MAP3K15: variants seen among roughly 807,000 people sequenced by gnomAD.
MAP3K15 encodes mitogen-activated protein kinase kinase kinase 15.
MAP3K15 carries 124 observed loss-of-function variants against 99.5 expected under a neutral mutation model. The ratio of observed to expected loss-of-function variants is 1.25; its 90% confidence interval spans 1.08 to 1.45. The LOEUF (loss-of-function observed/expected upper bound fraction) is 1.45. Among genes scored for constraint, MAP3K15 ranks in the 40% most tolerant of loss-of-function variants. The probability of loss-of-function intolerance (pLI) is 0.00; values close to 1 mark genes in which losing one functional copy is unlikely to be tolerated. For synonymous variants in MAP3K15, 494 were observed against 439.6 expected (o/e 1.12, Z -1.55); for missense variants, 1,242 against 1,079.7 (o/e 1.15, Z -2.11).
At chrX:19,399,176 C>T (rs181330125) in intron 14 of MAP3K15, among the ~76,000 whole-genome samples, 1 of 112,130 alleles carries the variant, frequency 8.9e-6, no homozygotes, top group African/African-American at 3.2e-5. Flanking sequence ...CACTGTGGCT[C>T]ATGCTTGTAA....
At chrX:19,381,416 G>T (rs2063457476) in intron 18 of MAP3K15, among the ~76,000 whole-genome samples, 1 of 112,162 alleles carries the variant, frequency 8.9e-6, no homozygotes. Context: ...CACTGGAGGA[G>T]TCCCACCTGG....
At chrX:19,450,658 C>T (rs987133222) in intron 6 of MAP3K15, among the ~76,000 whole-genome samples, 25 of 108,382 alleles carry the variant, frequency 2.3e-4, no homozygotes, top group African/African-American at 8.2e-4. Flanking sequence ...CTCATGAACC[C>T]TCTTCCTTTA....
chrX:19,417,225 G>A (rs1367954748), intron 9 of MAP3K15, among the ~76,000 whole-genome samples: 3 of 112,540 alleles, frequency 2.7e-5, no homozygotes, highest in African/African-American at 6.5e-5. Flanking sequence ...CGCACCAAGC[G>A]TGAGCTAAAG....
chrX:19,418,671 T>C (rs1035521811), intron 9 of MAP3K15, among the ~76,000 whole-genome samples: 36 of 110,511 alleles, frequency 3.3e-4, no homozygotes, highest in African/African-American at 1.2e-3. Flanking sequence ...ACATTCAAAT[T>C]CAGGAAATAC....
At chrX:19,410,982 G>A (rs957879234) in intron 11 of MAP3K15, among the ~76,000 whole-genome samples, 5 of 111,003 alleles carry the variant, frequency 4.5e-5, no homozygotes, top group Admixed American at 9.7e-5. Context: ...TCAGGAGTTC[G>A]AGATCAGCCT....
chrX:19,368,144 C>T (rs1184634955), intron 25 of MAP3K15, among the ~76,000 whole-genome samples: 1 of 109,912 alleles, frequency 9.1e-6, no homozygotes, highest in Non-Finnish European at 1.9e-5. Context: ...ATATTTCTTC[C>T]CCTTTTTTTC....
chrX:19,395,817 T>C (rs2063564159), intron 15 of MAP3K15, among the ~76,000 whole-genome samples: 1 of 112,411 alleles, frequency 8.9e-6, no homozygotes, highest in Admixed American at 9.4e-5. Context: ...CAAAGATCAG[T>C]TCAGGCTAAG....
chrX:19,413,559 CCTCA>C, intron 10 of MAP3K15, 95 bp from the exon 11 acceptor site: 3 of 534,778 alleles, frequency 5.6e-6, no homozygotes, highest in Non-Finnish European at 8.7e-6. Context: ...CTCAATATAT[CCTCA>C]CTGAGGGCCA....
intron 9 of MAP3K15, among the ~76,000 whole-genome samples, chrX:19,416,262 C>T (rs1364445698): frequency 1.8e-5 from 2 of 110,517 alleles, no homozygotes; most frequent in Non-Finnish European, 3.8e-5. Flanking sequence ...AGCTGAGAGA[C>T]GGAGGTTGCA....
intron 9 of MAP3K15, among the ~76,000 whole-genome samples, chrX:19,421,580 A>G (rs79996685): frequency 9.1e-6 from 1 of 109,451 alleles, no homozygotes; most frequent in Non-Finnish European, 1.9e-5. Context: ...GGAAGAATCA[A>G]TATCGTGAAA....
At chrX:19,417,109 C>A (rs937019234) in intron 9 of MAP3K15, among the ~76,000 whole-genome samples, 16 of 111,886 alleles carry the variant, frequency 1.4e-4, no homozygotes, top group African/African-American at 5.2e-4. Flanking sequence ...CGACAGCCCC[C>A]AGCATGAGCG....
At chrX:19,378,471 C>G (rs1006529578) in intron 19 of MAP3K15, among the ~76,000 whole-genome samples, 1 of 111,923 alleles carries the variant, frequency 8.9e-6, no homozygotes, top group African/African-American at 3.3e-5. Flanking sequence ...CTTCACAGGG[C>G]GGCAGGAGAG....
intron 15 of MAP3K15, among the ~76,000 whole-genome samples, 155 bp downstream of exon 15, chrX:19,398,063 CAAAAAAAA>C (rs147279112): frequency 2.0e-5 from 1 of 50,245 alleles, no homozygotes; most frequent in East Asian, 8.4e-4. Context: ...GACTCCGTTT[CAAAAAAAA>C]AAAAAAAAAA....
At chrX:19,426,096 T>C (rs1490272200) in intron 8 of MAP3K15, 135 bp downstream of exon 8, 2 of 368,471 alleles carry the variant, frequency 5.4e-6, no homozygotes, top group African/African-American at 5.3e-5. Context: ...CACTCCAGCC[T>C]GGGCAACCGA....
intron 1 of MAP3K15, among the ~76,000 whole-genome samples, chrX:19,502,151 G>T (rs2064444867): frequency 9.1e-6 from 1 of 109,743 alleles, no homozygotes; most frequent in Admixed American, 9.8e-5. Context: ...AGAAGGAGGG[G>T]AGTCCATGCA....
intron 3 of MAP3K15, among the ~76,000 whole-genome samples, chrX:19,477,203 G>T (rs566276437): frequency 3.0e-4 from 33 of 110,872 alleles, no homozygotes; most frequent in African/African-American, 9.9e-4. Context: ...TTCTGACATT[G>T]GCCCTGTGAA....
At chrX:19,511,330 T>C (rs1193844496) in intron 1 of MAP3K15, among the ~76,000 whole-genome samples, 1 of 111,745 alleles carries the variant, frequency 8.9e-6, no homozygotes, top group Non-Finnish European at 1.9e-5. Context: ...GAAATCTAAT[T>C]AAACTAAAGA....
intron 10 of MAP3K15, among the ~76,000 whole-genome samples, 179 bp downstream of exon 10, chrX:19,414,928 G>A (rs1475479575): frequency 1.8e-5 from 2 of 111,944 alleles, no homozygotes; most frequent in African/African-American, 6.5e-5. Flanking sequence ...AGAGGATATG[G>A]CCAATGATCT....
At chrX:19,378,353 A>T (rs2063435203) in intron 19 of MAP3K15, among the ~76,000 whole-genome samples, 1 of 112,350 alleles carries the variant, frequency 8.9e-6, no homozygotes, top group Non-Finnish European at 1.9e-5. Context: ...TCATGCTGCT[A>T]TGAAGAAATA....
Sources: allele counts gnomAD v4.1 joint callset (sites outside exome capture counted in the v4.1 genomes callset), GRCh38; gene constraint gnomAD v4.1.1; transcripts MANE v1.5; gene names NCBI Gene and HGNC (gene_info 2026-07-23, HGNC 2026-07-21).